RBFOX1: variants seen among roughly 807,000 people sequenced by gnomAD.
RBFOX1 encodes RNA binding fox-1 homolog 1, also known as RNA binding protein fox-1 homolog 1.
A neutral mutation model predicts 57.7 loss-of-function variants in RBFOX1; 8 were observed. The ratio of observed to expected loss-of-function variants is 0.14; its 90% CI spans 0.08 to 0.25. RBFOX1 has a LOEUF of 0.25. RBFOX1 is among the 10% of genes least tolerant of loss of function. The probability of loss-of-function intolerance (pLI) is 1.00; values close to 1 mark genes in which losing one functional copy is unlikely to be tolerated. For missense variants in RBFOX1, 611 were observed against 548.5 expected (o/e 1.11, Z -1.14); for synonymous variants, 326 against 222.4 (o/e 1.47, Z -4.15).
chr16:6,986,230 T>G (rs1252047532), intron 3 of RBFOX1, among the ~76,000 whole-genome samples: 2 of 148,418 alleles, frequency 1.3e-5, no homozygotes, highest in East Asian at 2.0e-4. Flanking sequence ...AGACAGAGTC[T>G]TGGTCTGTCA....
At position 7,711,458 on chromosome 16, in the gene RBFOX1, A is replaced by C. The variant is rs969099660; in HGVS notation, c.*713A>C. The C allele has an allele frequency of 3.3e-5, 5 of 152,572 alleles. No individual in the cohort carries two copies. The highest frequency in any genetic ancestry group is 7.3e-5 in the Non-Finnish European group (5 of 68,040). The allele number at this position is 152,572 out of a possible 1,614,324, so 9.5% of individuals were successfully genotyped here. On this transcript the variant is annotated 3_prime_UTR_variant, in exon 16 of 16. Coordinates refer to ENST00000550418, the MANE Select transcript of RBFOX1 (RefSeq NM_018723.4). ...AACCAGTCGCTATTTAGGAAAAAAA[A>C]CCCACTAGTTAGGCCATCAACAAGC...
At chr16:7,291,630 C>G (rs1336070803) in intron 4 of RBFOX1, among the ~76,000 whole-genome samples, 3 of 151,974 alleles carry the variant, frequency 2.0e-5, no homozygotes, top group Non-Finnish European at 2.9e-5. Context: ...GCAGCATGTG[C>G]AGATGCGTTT....
At chr16:5,675,112 C>G (rs1422760155) in intron 3 of RBFOX1, among the ~76,000 whole-genome samples, 2 of 152,128 alleles carry the variant, frequency 1.3e-5, no homozygotes, top group Non-Finnish European at 2.9e-5. Context: ...TGCACCAGTA[C>G]TCTCCAGCCT....
chr16:7,205,520 AAAAAAAAAGAAAAAG>A (rs973533025), intron 4 of RBFOX1, among the ~76,000 whole-genome samples: 12 of 151,862 alleles, frequency 7.9e-5, no homozygotes, highest in African/African-American at 2.9e-4. Context: ...CTCAGGAAAA[AAAAAAAAAGAAAAAG>A]AAAAAAAAGA....
chr16:5,249,937 G>C (rs949099280), intron 1 of RBFOX1, among the ~76,000 whole-genome samples: 15 of 151,778 alleles, frequency 9.9e-5, no homozygotes, highest in Admixed American at 9.2e-4. Context: ...AGGTTGCAGT[G>C]AGGAGGAGGT....
At chr16:7,196,764 C>T (rs572822573) in intron 4 of RBFOX1, among the ~76,000 whole-genome samples, 1 of 152,060 alleles carries the variant, frequency 6.6e-6, no homozygotes, top group African/African-American at 2.4e-5. Context: ...GAAGGGAAGC[C>T]TGGGCAGGCT....
chr16:5,473,596 C>T (rs75164300), intron 2 of RBFOX1, among the ~76,000 whole-genome samples: 28,305 of 145,420 alleles, frequency 0.19, 2,788 homozygotes, highest in African/African-American at 0.24. Context: ...AAAAGATGGA[C>T]GTAAGGAAGG....
chr16:7,624,218 T>C (rs2059737054), intron 10 of RBFOX1, among the ~76,000 whole-genome samples: 1 of 152,230 alleles, frequency 6.6e-6, no homozygotes, highest in African/African-American at 2.4e-5. Context: ...AAAAAGCTTT[T>C]TCTTTATGTA....
chr16:6,684,985 T>C lies in RBFOX1; in HGVS notation c.-16+30335T>C, dbSNP rs567501740. On this transcript the variant is annotated intron_variant, in intron 3 of 15. Coordinates refer to ENST00000550418, the MANE Select transcript of RBFOX1 (RefSeq NM_018723.4). ...TCTTTGGCAGGTTGTATTAGTAACA[T>C]TTTACAAAATGGGAAAATGGGGGCT... Among the ~76,000 whole-genome samples, 3 of 152,232 alleles carry C rather than the reference T, an allele frequency of 2.0e-5. No homozygotes were observed. In the South Asian group the frequency reaches 6.2e-4, roughly 32 times the overall value.
At chr16:7,649,882 A>G (rs77431574) in intron 11 of RBFOX1, among the ~76,000 whole-genome samples, 1 of 152,038 alleles carries the variant, frequency 6.6e-6, no homozygotes, top group Non-Finnish European at 1.5e-5. Flanking sequence ...CCCTCTTTAG[A>G]AAAAAAATTC....
chr16:7,142,889 A>T (rs537491764), intron 4 of RBFOX1, among the ~76,000 whole-genome samples: 11 of 148,848 alleles, frequency 7.4e-5, no homozygotes, highest in Non-Finnish European at 1.2e-4. Flanking sequence ...CCTTAATATC[A>T]TCTGCAGACA....
intron 3 of RBFOX1, among the ~76,000 whole-genome samples, chr16:5,635,440 G>C (rs796246035): frequency 6.6e-6 from 1 of 152,212 alleles, no homozygotes; most frequent in Non-Finnish European, 1.5e-5. Flanking sequence ...TAAGCTGAAA[G>C]TTAAAGAGAA....
intron 3 of RBFOX1, among the ~76,000 whole-genome samples, chr16:5,729,391 CTTTTCTTTTTTTTT>C (rs1467396703): frequency 1.7e-4 from 17 of 100,380 alleles, no homozygotes; most frequent in African/African-American, 6.5e-4. Context: ...TTTTTTTTTT[CTTTTCTTTTTTTTT>C]TTTTTTTTTT....
At chr16:7,357,751 C>G (rs1036785259) in intron 4 of RBFOX1, among the ~76,000 whole-genome samples, 2 of 152,148 alleles carry the variant, frequency 1.3e-5, no homozygotes, top group Non-Finnish European at 2.9e-5. Context: ...TTCCTGTGAC[C>G]AAGTGGTGCT....
intron 1 of RBFOX1, among the ~76,000 whole-genome samples, chr16:5,428,640 G>C (rs11859789): frequency 0.029 from 4,398 of 152,232 alleles, 232 homozygotes; most frequent in African/African-American, 0.1. Context: ...TCTTGGAGGA[G>C]GTGATGTTTA....
chr16:6,641,778 A>AAAAAAAAAAAAAAAAAAAAAG (rs1568006199), intron 2 of RBFOX1, among the ~76,000 whole-genome samples: 1 of 31,786 alleles, frequency 3.1e-5, no homozygotes, highest in Non-Finnish European at 5.8e-5. Flanking sequence ...AAAAAAAAAA[A>AAAAAAAAAAAAAAAAAAAAAG]TAGGTTCTGC....
At chr16:5,430,121 C>T (rs183044737) in intron 1 of RBFOX1, among the ~76,000 whole-genome samples, 8 of 152,270 alleles carry the variant, frequency 5.3e-5, no homozygotes, top group African/African-American at 1.9e-4. Flanking sequence ...TGACCATCAG[C>T]TGGGGGGATA....
intron 4 of RBFOX1, among the ~76,000 whole-genome samples, chr16:7,378,894 T>C (rs972758095): frequency 6.6e-6 from 1 of 152,176 alleles, no homozygotes; most frequent in Non-Finnish European, 1.5e-5. Flanking sequence ...ACGAAGGACT[T>C]CTTTAGATTA....
At chr16:6,843,417 G>A (rs1253307635) in intron 3 of RBFOX1, among the ~76,000 whole-genome samples, 1 of 152,112 alleles carries the variant, frequency 6.6e-6, no homozygotes, top group East Asian at 1.9e-4. Flanking sequence ...GGCCAGACAT[G>A]GTGGCTTACA....
Sources: allele counts gnomAD v4.1 joint callset (sites outside exome capture counted in the v4.1 genomes callset), GRCh38; gene constraint gnomAD v4.1.1; transcripts MANE v1.5; gene names NCBI Gene and HGNC (gene_info 2026-07-23, HGNC 2026-07-21).